The following ZNF704 variants were observed in gnomAD, a reference collection of about 807,000 sequenced individuals.
ZNF704 encodes glucocorticoid induced gene 1.
A neutral mutation model predicts 44.7 loss-of-function variants in ZNF704; 10 were observed. The observed-to-expected ratio is 0.22, with a 90% CI of 0.14 to 0.38. The LOEUF (loss-of-function observed/expected upper bound fraction) is 0.38. Ranked by LOEUF, ZNF704 falls within the 10% of genes least tolerant of loss-of-function variation. The pLI is 1.00. For missense variants in ZNF704, 390 were observed against 545.5 expected, an observed-to-expected ratio of 0.71 and a Z score of 2.84; for synonymous variants, 211 against 207.6, an observed-to-expected ratio of 1.02 and a Z score of -0.14.
At chr8:80,739,558 T>A (rs569341856) in intron 2 of ZNF704, among the ~76,000 whole-genome samples, 4 of 152,314 alleles carry the variant, frequency 2.6e-5, no homozygotes, top group Middle Eastern at 6.8e-3. Flanking sequence ...AAAAACATTT[T>A]TCTTCTCTTC....
chr8:80,687,349 C>T lies in ZNF704; in HGVS notation c.435G>A (p.Pro145=), dbSNP rs149626267. The T allele has an allele frequency of 1.4e-4, 226 of 1,609,370 alleles. No homozygotes were observed. The highest frequency in any genetic ancestry group is 3.8e-4 in the Admixed American group (23 of 59,982). The change falls in exon 4 of 9, where the codon CCG becomes CCA. Residue 145 remains proline, a synonymous_variant. Coordinates refer to ENST00000327835, the MANE Select transcript of ZNF704 (RefSeq NM_001033723.3). ...AGCTGTCAGCCGAGAGCGGCGGCGA[C>T]GGCGTGGACGGGTTGGACTGGTCGC... ...APSDQSNPST[P]SPPLSADSFK...
At chr8:80,781,595 T>C (rs1807524345) in intron 2 of ZNF704, among the ~76,000 whole-genome samples, 1 of 152,294 alleles carries the variant, frequency 6.6e-6, no homozygotes, top group South Asian at 2.1e-4. Flanking sequence ...GCTTTAAATG[T>C]TAGGGCTGAG....
chr8:80,862,141 T>C (rs963464138), intron 1 of ZNF704, among the ~76,000 whole-genome samples: 1 of 151,408 alleles, frequency 6.6e-6, no homozygotes, highest in African/African-American at 2.4e-5. Flanking sequence ...GGAGCTGGGA[T>C]TACAGGCACC....
chr8:80,651,125 T>C (rs534774514), intron 7 of ZNF704, among the ~76,000 whole-genome samples: 1 of 152,302 alleles, frequency 6.6e-6, no homozygotes, highest in East Asian at 1.9e-4. Flanking sequence ...CTGAGAGATT[T>C]TGTCACCACC....
intron 6 of ZNF704, among the ~76,000 whole-genome samples, chr8:80,664,455 G>C (rs1257992895): frequency 1.3e-5 from 2 of 151,976 alleles, no homozygotes; most frequent in African/African-American, 4.8e-5. Flanking sequence ...ATTTTTAGTA[G>C]AGATGGGGTT....
chr8:80,873,311 A>C (rs1809288734), intron 1 of ZNF704, among the ~76,000 whole-genome samples: 1 of 152,104 alleles, frequency 6.6e-6, no homozygotes, highest in Non-Finnish European at 1.5e-5. Context: ...ACGGCCTTTG[A>C]GGAAAGCGGG....
Position 80,874,585 on chromosome 8 carries a change from A to T in ZNF704, c.-36T>A, listed in dbSNP as rs904651864. On this transcript the variant is annotated 5_prime_UTR_variant, in exon 1 of 9. Transcript: ENST00000327835. The surrounding 1 kb of genome is among the most constrained non-coding windows in gnomAD (Gnocchi z 4.4). ...TTTTCTCTTACCCACAGTCTCCGAAAGTCTGGCGCTTCGAAGCAGTTGGCC... is the reference window on the plus strand; with the variant it reads ...TTTTCTCTTACCCACAGTCTCCGAATGTCTGGCGCTTCGAAGCAGTTGGCC... 2.0e-5 allele frequency: 3 copies of T among 151,918 alleles called. No individual in the cohort carries two copies. The highest frequency in any genetic ancestry group is 4.4e-5 in the Non-Finnish European group (3 of 67,972). The allele number at this position is 151,918 out of a possible 1,614,324, so 9.4% of individuals were successfully genotyped here.
At position 80,687,301 on chromosome 8, in the gene ZNF704, C is replaced by A. The variant is rs1286776778; in HGVS notation, c.483G>T (p.Ala161=). ...CCTCGTCGATGCCGTCGTCTGGCTG[C>A]GCGGGGCTGCGGAAGGGCTTGAAGC... The part of the protein sequence containing the change: ...ADSFKPFRSP[A]QPDDGIDEAE... The change falls in exon 4 of 9, where the codon GCG becomes GCT. Residue 161 remains alanine, a synonymous_variant. Coordinates refer to ENST00000327835, the MANE Select transcript of ZNF704 (RefSeq NM_001033723.3). 2.5e-6 allele frequency: 4 copies of A among 1,612,982 alleles called. No individual in the cohort carries two copies. The highest frequency in any genetic ancestry group is 3.4e-6 in the Non-Finnish European group (4 of 1,179,872).
intron 5 of ZNF704, 43 bp from the exon 6 acceptor site, chr8:80,665,125 T>C: frequency 6.3e-7 from 1 of 1,597,600 alleles, no homozygotes; most frequent in Non-Finnish European, 8.6e-7. Context: ...AGCCAATCTG[T>C]TTTCTTGCCT....
At chr8:80,837,360 GTTTAT>G (rs781123478) in intron 1 of ZNF704, among the ~76,000 whole-genome samples, 88 of 152,192 alleles carry the variant, frequency 5.8e-4, no homozygotes, top group African/African-American at 2.0e-3. Flanking sequence ...AGAAAATTGG[GTTTAT>G]TTTATTTTTA....
chr8:80,771,744 T>C (rs987178946), intron 2 of ZNF704, among the ~76,000 whole-genome samples: 3 of 152,238 alleles, frequency 2.0e-5, no homozygotes, highest in African/African-American at 4.8e-5. Context: ...ATATGTTGAA[T>C]GACAATATTG....
chr8:80,865,607 G>C (rs1171382993), intron 1 of ZNF704, among the ~76,000 whole-genome samples: 1 of 152,202 alleles, frequency 6.6e-6, no homozygotes, highest in Non-Finnish European at 1.5e-5. Flanking sequence ...GAGCACTTTT[G>C]ACATTCACTT....
At chr8:80,703,445 A>G (rs1407568869) in intron 2 of ZNF704, among the ~76,000 whole-genome samples, 1 of 151,684 alleles carries the variant, frequency 6.6e-6, no homozygotes, top group Non-Finnish European at 1.5e-5. Context: ...TTTATTCCCA[A>G]CTTCTAGCAC....
chr8:80,804,590 C>T (rs1216791755), intron 2 of ZNF704, among the ~76,000 whole-genome samples: 1 of 152,170 alleles, frequency 6.6e-6, no homozygotes, highest in South Asian at 2.1e-4. Context: ...AACCAGACAC[C>T]ACATCGTGTT....
rs993453761 is a variant in ZNF704, at chr8:80,649,830, C to T, written c.1033-6701G>A. On this transcript the variant is annotated intron_variant, in intron 7 of 8. Coordinates refer to ENST00000327835, the MANE Select transcript of ZNF704 (RefSeq NM_001033723.3). ...GAAGAGAGCAGTGATTCTCCCAGCA[C>T]GCAGCTGGAGATCTGAGGACGGACA... Among the ~76,000 whole-genome samples the T allele has an allele frequency of 3.9e-4, 60 of 152,196 alleles. 1 individual carries two copies. Among genetic ancestry groups the T allele is most frequent in the African/African-American group, 6.0e-4 (25 of 41,446 alleles).
chr8:80,815,021 T>C (rs1410824172), intron 2 of ZNF704, among the ~76,000 whole-genome samples: 1 of 152,226 alleles, frequency 6.6e-6, no homozygotes, highest in African/African-American at 2.4e-5. Flanking sequence ...CCATCGTATT[T>C]ATAGGATTTT....
chr8:80,645,150 T>C, intron 7 of ZNF704: 3 of 1,605,764 alleles, frequency 1.9e-6, no homozygotes, highest in South Asian at 1.1e-5. Flanking sequence ...TTTGTCCAAA[T>C]AGTAAATTTG....
intron 1 of ZNF704, among the ~76,000 whole-genome samples, chr8:80,829,769 T>TA (rs1190460321): frequency 4.6e-5 from 7 of 152,240 alleles, no homozygotes; most frequent in Non-Finnish European, 8.8e-5. Flanking sequence ...ACTTTCTAAG[T>TA]AAAAAAATTA....
intron 2 of ZNF704, among the ~76,000 whole-genome samples, chr8:80,742,701 A>C (rs1297562998): frequency 6.6e-6 from 1 of 152,128 alleles, no homozygotes; most frequent in Non-Finnish European, 1.5e-5. Context: ...GGACCCCTGG[A>C]CCAGCCTGCT....
Sources: gnomAD v4.1 joint callset for allele counts (sites outside exome capture counted in the v4.1 genomes callset) on GRCh38, gnomAD v4.1.1 for gene constraint, Gnocchi (gnomAD v3.1) non-coding constraint, MANE v1.5 for transcripts, NCBI Gene and HGNC (gene_info 2026-07-23, HGNC 2026-07-21) for gene names.